Variants in NTRK1 observed in about 807,000 individuals in gnomAD.
NTRK1 encodes the protein high affinity nerve growth factor receptor.
In NTRK1, 62 loss-of-function variants were observed where a neutral mutation model predicts 86.8. The observed-to-expected ratio is 0.71, with a 90% CI of 0.58 to 0.88. The LOEUF (loss-of-function observed/expected upper bound fraction) is 0.88, where lower values mean the gene tolerates loss of function less well. Among genes scored for constraint, NTRK1 ranks in the 40% least tolerant of loss-of-function variants. NTRK1 has a pLI of 0.00. For synonymous variants in NTRK1, 469 were observed against 456.6 expected (o/e 1.03, Z -0.35); for missense variants, 967 against 1,078.4 (o/e 0.90, Z 1.45).
At chr1:156,871,124 G>A (rs1022365002) in intron 6 of NTRK1, among the ~76,000 whole-genome samples, 5 of 152,192 alleles carry the variant, frequency 3.3e-5, no homozygotes, top group East Asian at 1.9e-4. Context: ...GGTCTCCAAC[G>A]AGCTGTGTAC....
At chr1:156,862,881 A>G (rs1030526370) in intron 1 of NTRK1, among the ~76,000 whole-genome samples, 2 of 151,982 alleles carry the variant, frequency 1.3e-5, no homozygotes, top group African/African-American at 4.8e-5. Flanking sequence ...ATAGGCCTCT[A>G]CTAAGTCCAC....
intron 1 of NTRK1, among the ~76,000 whole-genome samples, chr1:156,818,701 A>G (rs1654097642): frequency 6.6e-6 from 1 of 151,918 alleles, no homozygotes; most frequent in Non-Finnish European, 1.5e-5. Flanking sequence ...GATATACCAC[A>G]TTTTCTTTAT....
rs1413648695 is a variant in NTRK1 at position 156,873,837 on chromosome 1, C to T, written c.1055C>T (p.Thr352Ile). 1 of 1,611,110 alleles carries T rather than the reference C, an allele frequency of 6.2e-7. No homozygotes were observed. The highest frequency in any genetic ancestry group is 1.1e-5 in the South Asian group (1 of 90,428). ...RHGCLRLNQPTHVNNGNYTLL... is the reference protein window; with the variant it reads ...RHGCLRLNQPIHVNNGNYTLL... ...GGGTGTCTGCGCCTCAACCAGCCCA[C>T]CCACGTCAACAACGGCAACTACACG... is the stretch of plus-strand genomic sequence containing the variant. The change falls in exon 8 of 17, where the codon ACC becomes ATC. Residue 352 changes from threonine (T) to isoleucine (I), a missense_variant. By Grantham distance (89) the Thr-to-Ile change is moderately conservative. This residue lies in a region of NTRK1 where 637 missense variants were observed against 776.5 expected (regional missense o/e 0.82). Transcript: ENST00000524377.
chr1:156,869,397 G>A (rs534456629), intron 6 of NTRK1, among the ~76,000 whole-genome samples: 1 of 151,972 alleles, frequency 6.6e-6, no homozygotes, highest in East Asian at 1.9e-4. Context: ...TCTATATAAG[G>A]AAACTGGAAC....
upstream of NTRK1, among the ~76,000 whole-genome samples, chr1:156,857,059 G>T (rs1379751092): frequency 6.6e-6 from 1 of 151,984 alleles, no homozygotes; most frequent in African/African-American, 2.4e-5. Flanking sequence ...CTGATAGTTT[G>T]TTAAGAGAGG....
chr1:156,872,054 C>G (rs1163239844), intron 7 of NTRK1, among the ~76,000 whole-genome samples: 1 of 152,128 alleles, frequency 6.6e-6, no homozygotes, highest in East Asian at 1.9e-4. Context: ...TTTTCATGCC[C>G]GTCCCTCATC....
At chr1:156,821,767 G>A (rs962159226) in intron 1 of NTRK1, among the ~76,000 whole-genome samples, 9 of 152,174 alleles carry the variant, frequency 5.9e-5, no homozygotes, top group East Asian at 1.9e-4. Context: ...GAAATCACAC[G>A]TTGGAGTAAT....
rs564537453 is a variant in NTRK1, at chr1:156,861,112, C to T, written c.178C>T (p.His60Tyr). Residue 60 changes from histidine to tyrosine, a missense_variant, in exon 1 of 17, where the codon CAC becomes TAC. Around this residue, in one of 2 missense-constraint regions of NTRK1, gnomAD observed 330 missense variants for 302.0 expected, o/e 1.09. Transcript: ENST00000524377. Reference sequence around the variant, plus strand: ...CCGGGATGGGGCCCTGGATAGCCTCCACCACCTGCCCGGCGCAGAGAACCT... The same window carrying T: ...CCGGGATGGGGCCCTGGATAGCCTCTACCACCTGCCCGGCGCAGAGAACCT... ...CTRDGALDSL[H>Y]HLPGAENLTE... 6.3e-7 allele frequency: 1 copy of T among 1,583,810 alleles called. No individual in the cohort carries two copies.
At chr1:156,876,362 G>GC in intron 13 of NTRK1, 38 bp from the exon 14 acceptor site, 1 of 1,612,908 alleles carries the variant, frequency 6.2e-7, no homozygotes, top group Non-Finnish European at 8.5e-7. Flanking sequence ...TGAGGGCTCG[G>GC]CCCCCAACTC....
intron 1 of NTRK1, among the ~76,000 whole-genome samples, chr1:156,824,399 A>G (rs1296537442): frequency 4.6e-5 from 7 of 152,156 alleles, no homozygotes; most frequent in Non-Finnish European, 1.0e-4. Flanking sequence ...GAGGACATAC[A>G]TGTGGATTGA....
intron 5 of NTRK1, 82 bp from the exon 6 acceptor site, chr1:156,868,423 G>C (rs1156440185): frequency 1.3e-6 from 2 of 1,544,602 alleles, no homozygotes; most frequent in African/African-American, 1.4e-5. Context: ...GGAGGGTGGG[G>C]GAAGGAGCAG....
chr1:156,838,088 C>T (rs371959577), intron 1 of NTRK1, among the ~76,000 whole-genome samples: 2 of 152,104 alleles, frequency 1.3e-5, no homozygotes, highest in Admixed American at 6.5e-5. Context: ...CTGCTGCCAC[C>T]GAGGCCTGGC....
intron 2 of NTRK1, chr1:156,849,121 C>A: frequency 6.3e-7 from 1 of 1,597,784 alleles, no homozygotes; most frequent in Non-Finnish European, 8.5e-7. Context: ...CCCGCGGCAT[C>A]CCATTCCCAG....
intron 4 of NTRK1, among the ~76,000 whole-genome samples, 176 bp from the exon 5 acceptor site, chr1:156,867,928 C>T (rs1161731896): frequency 1.3e-5 from 2 of 152,224 alleles, no homozygotes; most frequent in East Asian, 1.9e-4. Context: ...CCGCCTCGGC[C>T]TCCCAATGGC....
Position 156,842,143 on chromosome 1 carries a change from C to G in NTRK1, c.-1C>G, listed in dbSNP as rs1206609592. 7 of 1,613,938 alleles carry G rather than the reference C, an allele frequency of 4.3e-6. No individual in the cohort carries two copies. The highest frequency in any genetic ancestry group is 5.9e-6 in the Non-Finnish European group (7 of 1,180,010). On this transcript the variant is annotated 5_prime_UTR_variant, in exon 2 of 17. Transcript: ENST00000392302. ...TCTTGACGGTGAAGTCCTGGGACAC[C>G]ATGCAGTTGCGGGCTGCTAGATCTC...
chr1:156,866,943 C>T lies in NTRK1; in HGVS notation c.393C>T (p.Ser131=). The part of the protein sequence containing the change: ...NLSFNALESL[S]WKTVQGLSLQ... The stretch of plus-strand genomic sequence containing the variant: ...CCTTCAACGCTCTGGAGTCTCTCTC[C>T]TGGAAAACTGTGCAGGGCCTCTCCT... The change falls in exon 4 of 17, where the codon TCC becomes TCT. Residue 131 remains serine, a synonymous_variant. Transcript: ENST00000524377. 1.9e-6 allele frequency: 3 copies of T among 1,614,250 alleles called. No homozygotes were observed. Among genetic ancestry groups the T allele is most frequent in the Non-Finnish European group, 2.5e-6 (3 of 1,180,024 alleles).
chr1:156,817,640 ATC>A (rs1448164337), intron 1 of NTRK1, among the ~76,000 whole-genome samples: 5 of 144,968 alleles, frequency 3.4e-5, no homozygotes, highest in African/African-American at 5.3e-5. Flanking sequence ...CAGTGTTGAC[ATC>A]TTTTTTTTTT....
chr1:156,853,658 T>G (rs982874435), intron 2 of NTRK1: 13 of 1,236,042 alleles, frequency 1.1e-5, no homozygotes, highest in Non-Finnish European at 1.5e-5. Context: ...CAGTGGCAGC[T>G]GAAAGTACTG....
intron 4 of NTRK1, 105 bp downstream of exon 4, chr1:156,867,083 T>C (rs1655972199): frequency 8.4e-7 from 1 of 1,188,876 alleles, no homozygotes. Flanking sequence ...GTGACACTGC[T>C]GGGGGGTCTC....
Sources: allele counts gnomAD v4.1 joint callset (sites outside exome capture counted in the v4.1 genomes callset), GRCh38; gene constraint gnomAD v4.1.1; regional missense constraint gnomAD v4.1.1; transcripts MANE v1.5; gene names NCBI Gene and HGNC (gene_info 2026-07-23, HGNC 2026-07-21).